CBR4: variants seen among roughly 807,000 people sequenced by gnomAD.
CBR4 encodes 3-oxoacyl-[acyl-carrier-protein] reductase.
In CBR4, 22 loss-of-function variants were observed where a neutral mutation model predicts 21.0. The observed-to-expected ratio is 1.05, with a 90% CI of 0.75 to 1.50. The LOEUF is 1.50. CBR4 is among the 40% of genes most tolerant of loss of function. The pLI is 0.00. For synonymous variants in CBR4, 100 were observed against 104.4 expected (o/e 0.96, Z 0.26); for missense variants, 302 against 286.3 (o/e 1.05, Z -0.40).
At chr4:169,009,813 G>A (rs112836342) in intron 1 of CBR4, 135 bp downstream of exon 1, 3 of 787,778 alleles carry the variant, frequency 3.8e-6, no homozygotes, top group Non-Finnish European at 3.9e-6. Flanking sequence ...CCTTGGAACG[G>A]GAGAGCGCCT....
In CBR4 at chr4:168,931,907, C is replaced by T. The variant is rs536681872; in HGVS notation, n.170-37142G>A. Among the ~76,000 whole-genome samples the T allele has an allele frequency of 1.3e-4, 20 of 151,648 alleles. 1 individual carries two copies. Among genetic ancestry groups the T allele is most frequent in the Admixed American group, 3.9e-4 (6 of 15,214 alleles). On this transcript the variant is annotated intron_variant and non_coding_transcript_variant, in intron 2 of 3. Transcript: ENST00000509108. ...CTAGAACCAAAGCCAACACACCCCC[C>T]CTAACTGACACTATAAGATCCTCCA...
chr4:168,941,162 C>T (rs1582297733), intron 2 of CBR4, among the ~76,000 whole-genome samples: 1 of 152,136 alleles, frequency 6.6e-6, no homozygotes, highest in Admixed American at 6.5e-5. Context: ...GAACATCACA[C>T]ACCACAGCCT....
intron 2 of CBR4, chr4:168,928,438 AAAAT>A (rs1762830002): frequency 5.6e-6 from 1 of 178,718 alleles, no homozygotes; most frequent in East Asian, 9.4e-5. Flanking sequence ...TTTGTGAAGC[AAAAT>A]AAATATTCAG....
rs140457854 is a variant in CBR4, at chr4:168,988,464, G to C, written c.*1686C>G. On this transcript the variant is annotated 3_prime_UTR_variant, in exon 5 of 5. Coordinates refer to ENST00000306193, the MANE Select transcript of CBR4 (RefSeq NM_032783.5). ...AAGGTGTCCAGAGAAGAAAACTCAA[G>C]ACTGAATGGGCTGCCATAATGGGGA... 1,441 of 985,408 alleles carry C rather than the reference G, an allele frequency of 1.5e-3. 7 individuals are homozygous for C. In the South Asian group the frequency reaches 0.018, roughly 13 times the overall value. The allele number at this position is 985,408 out of a possible 1,614,324, so 61.0% of individuals were successfully genotyped here.
chr4:168,940,962 T>C (rs1372158210), intron 2 of CBR4, among the ~76,000 whole-genome samples: 2 of 152,164 alleles, frequency 1.3e-5, no homozygotes, highest in African/African-American at 4.8e-5. Context: ...ATCATTCTAC[T>C]ATAAAGACAA....
At chr4:168,918,199 A>G (rs528194696) in intron 2 of CBR4, among the ~76,000 whole-genome samples, 94 of 152,062 alleles carry the variant, frequency 6.2e-4, no homozygotes, top group African/African-American at 2.2e-3. Flanking sequence ...ACAAAAAAAA[A>G]AAAAGAAAAG....
At chr4:168,983,557 T>C (rs140931169), downstream of CBR4, among the ~76,000 whole-genome samples, 38 of 152,182 alleles carry the variant, frequency 2.5e-4, no homozygotes, top group African/African-American at 8.4e-4. Flanking sequence ...ACTCATTCTG[T>C]GAGGCAAACA....
intron 2 of CBR4, among the ~76,000 whole-genome samples, chr4:168,916,458 C>T (rs1046754032): frequency 2.1e-5 from 3 of 144,996 alleles, no homozygotes; most frequent in Admixed American, 7.2e-5. Context: ...TGAAATACGT[C>T]GGATATTTAT....
chr4:168,896,646 G>C (rs915812176), intron 2 of CBR4: 1 of 1,019,552 alleles, frequency 9.8e-7, no homozygotes, highest in Admixed American at 2.1e-5. Context: ...CTCTGTGTCT[G>C]TTTTCTTCTG....
At chr4:168,937,530 A>G (rs994967482) in intron 2 of CBR4, among the ~76,000 whole-genome samples, 1 of 152,166 alleles carries the variant, frequency 6.6e-6, no homozygotes, top group African/African-American at 2.4e-5. Context: ...CTGGATAAAG[A>G]ATCAAGACCC....
Position 168,955,415 on chromosome 4 carries a change from G to A in CBR4, n.169+46656C>T, listed in dbSNP as rs113703668. ...GAAAAGCTAAATTTAAACAAACACT[G>A]TTAGGTTGGTGCAAAAGTAATTGTG... On this transcript the variant is annotated intron_variant and non_coding_transcript_variant, in intron 2 of 3. Coordinates refer to the CBR4 transcript ENST00000509108. Among the ~76,000 whole-genome samples the A allele has an allele frequency of 5.8e-3, 883 of 152,312 alleles. 8 individuals are homozygous for A. The highest frequency in any genetic ancestry group is 5.8e-3 in the Admixed American group (89 of 15,298).
At chr4:168,896,126 C>T (rs1755091975) in intron 2 of CBR4, among the ~76,000 whole-genome samples, 1 of 151,188 alleles carries the variant, frequency 6.6e-6, no homozygotes, top group Non-Finnish European at 1.5e-5. Context: ...ATGAGAATCG[C>T]TTGAACCCAG....
At chr4:169,009,899 G>T in intron 1 of CBR4, 49 bp downstream of exon 1, 1 of 1,541,968 alleles carries the variant, frequency 6.5e-7, no homozygotes, top group East Asian at 2.3e-5. Flanking sequence ...TTTTCTTTAG[G>T]CGCCTGGACC....
downstream of CBR4, among the ~76,000 whole-genome samples, chr4:168,983,103 T>C (rs972045988): frequency 1.3e-5 from 2 of 151,836 alleles, no homozygotes; most frequent in East Asian, 3.9e-4. Context: ...AGAAAAACCA[T>C]ACAAAAGATT....
At chr4:168,918,206 AAAG>A (rs1043509760) in intron 2 of CBR4, among the ~76,000 whole-genome samples, 3 of 151,896 alleles carry the variant, frequency 2.0e-5, no homozygotes, top group African/African-American at 7.2e-5. Flanking sequence ...AAAAAAAAGA[AAAG>A]AAAATGAAAT....
intron 2 of CBR4, chr4:168,926,302 G>C: frequency 6.5e-7 from 1 of 1,537,330 alleles, no homozygotes; most frequent in Non-Finnish European, 8.7e-7. Flanking sequence ...CCAGGGACTA[G>C]ACATCAAAGC....
intron 2 of CBR4, among the ~76,000 whole-genome samples, chr4:168,976,725 CGCAAAGTATATTA>C (rs1469378520): frequency 6.6e-6 from 1 of 152,094 alleles, no homozygotes; most frequent in Non-Finnish European, 1.5e-5. Flanking sequence ...GGGGGAATAT[CGCAAAGTATATTA>C]TCGCAAGGGC....
chr4:168,897,818 GTTGT>G (rs1755547094), intron 2 of CBR4, among the ~76,000 whole-genome samples: 1 of 151,202 alleles, frequency 6.6e-6, no homozygotes, highest in South Asian at 2.1e-4. Context: ...ATGTTGATGG[GTTGT>G]TTTTTTTTTT....
At chr4:168,919,133 A>G (rs774030242) in intron 2 of CBR4, among the ~76,000 whole-genome samples, 6 of 152,210 alleles carry the variant, frequency 3.9e-5, no homozygotes, top group Non-Finnish European at 8.8e-5. Context: ...GGACTGGCAC[A>G]TAACTGTCCT....
Sources: allele counts gnomAD v4.1 joint callset (sites outside exome capture counted in the v4.1 genomes callset), GRCh38; gene constraint gnomAD v4.1.1; transcripts MANE v1.5; gene names NCBI Gene and HGNC (gene_info 2026-07-23, HGNC 2026-07-21).